The following DDX18 variants were observed in gnomAD, a reference collection of about 807,000 sequenced individuals.
DDX18 encodes DEAD-box helicase 18, also known as ATP-dependent RNA helicase DDX18.
DDX18 carries 23 observed loss-of-function variants against 73.5 expected under a neutral mutation model. That is an observed-to-expected ratio of 0.31 (90% CI 0.23 to 0.44). DDX18 has a LOEUF of 0.44. Among genes scored for constraint, DDX18 ranks in the 20% least tolerant of loss-of-function variants. The pLI, the probability that DDX18 is intolerant of heterozygous loss-of-function variation, is 1.00. For synonymous variants in DDX18, 268 were observed against 282.7 expected, an observed-to-expected ratio of 0.95 and a Z score of 0.52; for missense variants, 753 against 792.9, an observed-to-expected ratio of 0.95 and a Z score of 0.60.
chr2:117,825,768 C>T, intron 10 of DDX18, 169 bp downstream of exon 10: 1 of 715,204 alleles, frequency 1.4e-6, no homozygotes, highest in Non-Finnish European at 2.2e-6. Context: ...TTTCAGGGCT[C>T]AAACGGGCTG....
At chr2:117,817,003 G>A (rs1679770110) in intron 1 of DDX18, among the ~76,000 whole-genome samples, 1 of 152,244 alleles carries the variant, frequency 6.6e-6, no homozygotes, top group African/African-American at 2.4e-5. Context: ...GTCTAGAAGA[G>A]TTGGGGTTGA....
chr2:117,822,950 TTTCTC>T (rs1312528346), intron 7 of DDX18, among the ~76,000 whole-genome samples: 2 of 152,186 alleles, frequency 1.3e-5, no homozygotes, highest in African/African-American at 4.8e-5. Context: ...TATATCTCCT[TTTCTC>T]TTAAGTAAAC....
At position 117,829,431 on chromosome 2, in the gene DDX18, C is replaced by G. The variant is rs1679985331; in HGVS notation, c.1835C>G (p.Ser612Ter). The change falls in exon 13 of 14, where the codon TCA becomes TGA. Residue 612 changes from serine to a stop codon, truncating the protein, a stop_gained. Transcript: ENST00000263239. LOFTEE classifies it high-confidence loss of function. Reference protein sequence around the residue: ...NNLNLPQVALSFGFKVPPFVD... With the variant: ...NNLNLPQVAL The stretch of plus-strand genomic sequence containing the variant: ...CTAAATTTGCCTCAGGTTGCTCTGT[C>G]ATTTGGTTTCAAGGTGCCTCCCTTC... The G allele has an allele frequency of 6.2e-7, 1 of 1,612,168 alleles. No individual in the cohort carries two copies. The highest frequency in any genetic ancestry group is 1.7e-5 in the Admixed American group (1 of 59,476).
In DDX18 at chr2:117,825,495, A is replaced by C; in HGVS notation, c.1417A>C (p.Asn473His). 2 of 1,614,198 alleles carry C rather than the reference A, an allele frequency of 1.2e-6. No homozygotes were observed. Among genetic ancestry groups the C allele is most frequent in the Non-Finnish European group, 1.7e-6 (2 of 1,180,014 alleles). The change falls in exon 10 of 14, where the codon AAT (asparagine) becomes CAT (histidine). Residue 473 changes from asparagine to histidine, a missense_variant. Transcript: ENST00000263239. ...TACAACCACATTCTTCCAGTTCTGC[A>C]ATGCAGATTCGGGAACACTATTGTG... is the stretch of plus-strand genomic sequence containing the variant. ...KRTTTFFQFC[N>H]ADSGTLLCTD...
At chr2:117,816,453 A>G (rs1467690613) in intron 1 of DDX18, among the ~76,000 whole-genome samples, 1 of 152,134 alleles carries the variant, frequency 6.6e-6, no homozygotes, top group African/African-American at 2.4e-5. Flanking sequence ...TTAAAAATGT[A>G]AAGACACAGA....
chr2:117,825,923 G>A, intron 10 of DDX18: 1 of 385,524 alleles, frequency 2.6e-6, no homozygotes, highest in Non-Finnish European at 4.6e-6. Flanking sequence ...GGTAGAATAA[G>A]CTTCATTGAG....
chr2:117,816,791 G>A (rs1211733353), intron 1 of DDX18, among the ~76,000 whole-genome samples: 1 of 152,216 alleles, frequency 6.6e-6, no homozygotes, highest in Non-Finnish European at 1.5e-5. Flanking sequence ...ACAAACATGA[G>A]TAATATGTTG....
At chr2:117,818,609 A>G (rs1039823879) in intron 2 of DDX18, among the ~76,000 whole-genome samples, 4 of 152,208 alleles carry the variant, frequency 2.6e-5, no homozygotes, top group Non-Finnish European at 5.9e-5. Context: ...TGCCCCAGGA[A>G]GTGGTATTAT....
chr2:117,822,304 G>A (rs768338609), intron 7 of DDX18, 43 bp downstream of exon 7: 1 of 1,474,774 alleles, frequency 6.8e-7, no homozygotes, highest in Non-Finnish European at 9.4e-7. Flanking sequence ...AGTATCTGTT[G>A]GAGGTAGATA....
At chr2:117,826,150 C>A in intron 10 of DDX18, 119 bp from the exon 11 acceptor site, 1 of 692,922 alleles carries the variant, frequency 1.4e-6, no homozygotes, top group Non-Finnish European at 2.3e-6. Flanking sequence ...GTGTGTGTGG[C>A]CCAGCACCGT....
chr2:117,822,521 T>C (rs1679863363), intron 7 of DDX18: 2 of 358,980 alleles, frequency 5.6e-6, no homozygotes, highest in Non-Finnish European at 1.0e-5. Flanking sequence ...TGCCCATTCT[T>C]ACCTCATCTA....
chr2:117,816,549 TC>T (rs1379207026), intron 1 of DDX18, among the ~76,000 whole-genome samples: 28 of 152,230 alleles, frequency 1.8e-4, no homozygotes, highest in Non-Finnish European at 4.0e-4. Context: ...AGCTGTCATC[TC>T]CTATGATAAC....
Position 117,821,936 on chromosome 2 carries a change from A to T in DDX18, c.826A>T (p.Thr276Ser). The T allele has an allele frequency of 6.2e-7, 1 of 1,614,050 alleles. No individual in the cohort carries two copies. Among genetic ancestry groups the T allele is most frequent in the Non-Finnish European group, 8.5e-7 (1 of 1,179,948 alleles). The change falls in exon 6 of 14, where the codon ACT becomes TCT. Residue 276 changes from threonine to serine, a missense_variant. Physicochemically the swap from Thr to Ser is moderately conservative, Grantham distance 58. Around this residue, in one of 3 missense-constraint regions of DDX18, gnomAD observed 345 missense variants for 352.0 expected, o/e 0.98. Coordinates refer to ENST00000263239, the MANE Select transcript of DDX18 (RefSeq NM_006773.4). The part of the protein sequence containing the change: ...QTFGVLKELM[T>S]HHVHTYGLIM... ...CTTTGGTGTTCTTAAGGAGCTGATGACTCACCACGTGCATACCTATGGCTT... is the reference window on the plus strand; with the variant it reads ...CTTTGGTGTTCTTAAGGAGCTGATGTCTCACCACGTGCATACCTATGGCTT...
chr2:117,814,700 C>T lies in DDX18; in HGVS notation c.-78C>T, dbSNP rs1263640010. ...GTTGGCCGAGCTGCGCACGTGCGGC[C>T]GGAAGGGAAGTAACGTCAGCCTGAG... On this transcript the variant is annotated 5_prime_UTR_variant, in exon 1 of 14. Coordinates refer to ENST00000263239, the MANE Select transcript of DDX18 (RefSeq NM_006773.4). The T allele has an allele frequency of 4.1e-6, 6 of 1,460,192 alleles. No individual in the cohort carries two copies. The East Asian group carries it at 7.3e-5, about 18-fold the overall frequency. The allele number at this position is 1,460,192 out of a possible 1,614,324, so 90.5% of individuals were successfully genotyped here.
intron 11 of DDX18, chr2:117,826,594 C>G (rs1471806794): frequency 1.8e-6 from 1 of 569,412 alleles, no homozygotes; most frequent in African/African-American, 1.9e-5. Flanking sequence ...CTCTGTTACC[C>G]AGCAACACCT....
chr2:117,826,181 C>T (rs1368902477), intron 10 of DDX18, 88 bp from the exon 11 acceptor site: 5 of 1,071,092 alleles, frequency 4.7e-6, no homozygotes, highest in African/African-American at 4.7e-5. Context: ...CATCTCAGTA[C>T]AGACATGCAC....
intron 8 of DDX18, 87 bp from the exon 9 acceptor site, chr2:117,824,853 T>A: frequency 6.7e-7 from 1 of 1,498,650 alleles, no homozygotes; most frequent in Non-Finnish European, 9.0e-7. Context: ...ACTGTGTTTA[T>A]CAGTGCTCTT....
intron 11 of DDX18, chr2:117,827,551 T>G (rs1055866887): frequency 7.3e-6 from 1 of 136,310 alleles, no homozygotes; most frequent in Admixed American, 8.1e-5. Flanking sequence ...AGTGTTCTCA[T>G]TGTTCATTTC....
intron 13 of DDX18, 50 bp from the exon 14 acceptor site, chr2:117,830,532 A>G (rs1680004092): frequency 1.3e-6 from 2 of 1,593,374 alleles, no homozygotes; most frequent in Admixed American, 1.8e-5. Flanking sequence ...TAGATGTTAG[A>G]TTGGAGTTCA....
Sources: gnomAD v4.1 joint callset for allele counts (sites outside exome capture counted in the v4.1 genomes callset) on GRCh38, gnomAD v4.1.1 for gene constraint, gnomAD v4.1.1 regional missense constraint, MANE v1.5 for transcripts, NCBI Gene and HGNC (gene_info 2026-07-23, HGNC 2026-07-21) for gene names.